The following SGCD variants were observed in gnomAD, a reference collection of about 807,000 sequenced individuals.
SGCD encodes the protein sarcoglycan delta.
In SGCD, 18 loss-of-function variants were observed where a neutral mutation model predicts 36.6. That is an observed-to-expected ratio of 0.49 (90% CI 0.34 to 0.73). The LOEUF (loss-of-function observed/expected upper bound fraction) is 0.73. Ranked by LOEUF, SGCD falls within the 30% of genes least tolerant of loss-of-function variation. The pLI is 0.01. For synonymous variants in SGCD, 133 were observed against 130.6 expected (o/e 1.02, Z -0.12); for missense variants, 387 against 346.7 (o/e 1.12, Z -0.92).
chr5:155,970,540 T>C (rs1196318893), intron 1 of SGCD, among the ~76,000 whole-genome samples: 1 of 152,078 alleles, frequency 6.6e-6, no homozygotes, highest in Non-Finnish European at 1.5e-5. Flanking sequence ...GATAAATAAA[T>C]AATTGCCATT....
At chr5:155,751,429 T>C in the SGCD span, among the ~76,000 whole-genome samples, 2 of 152,188 alleles carry the variant, frequency 1.3e-5, no homozygotes, top group African/African-American at 4.8e-5. Context: ...ACTTTCACTC[T>C]GTTGCCTAGG....
intron 1 of SGCD, among the ~76,000 whole-genome samples, chr5:156,080,395 C>G (rs1476859538): frequency 1.3e-5 from 2 of 152,218 alleles, no homozygotes; most frequent in Non-Finnish European, 2.9e-5. Flanking sequence ...ATTTCTGTGG[C>G]AAGTAAGTCA....
At chr5:156,695,500 GATAGATAGATGGATAGATA>G in intron 7 of SGCD, among the ~76,000 whole-genome samples, 1 of 110,662 alleles carries the variant, frequency 9.0e-6, no homozygotes, top group East Asian at 3.1e-4. Flanking sequence ...TAGATAGATA[GATAGATAGATGGATAGATA>G]GATAGATAGA....
chr5:156,333,366 G>A (rs1003957732), intron 2 of SGCD, among the ~76,000 whole-genome samples: 17 of 152,066 alleles, frequency 1.1e-4, no homozygotes, highest in Admixed American at 1.1e-3. Context: ...TTTCACTCTG[G>A]CTGGAATACA....
At chr5:156,721,965 A>T (rs1344738639) in intron 7 of SGCD, among the ~76,000 whole-genome samples, 1 of 152,242 alleles carries the variant, frequency 6.6e-6, no homozygotes, top group East Asian at 1.9e-4. Flanking sequence ...ATCCCAAAGA[A>T]CCAGAGCAAT....
rs546808859 is a variant in SGCD, at chr5:156,238,645, T to C, written c.-43-90889T>C. On this transcript the variant is annotated intron_variant, in intron 3 of 9. Transcript: ENST00000517913. The stretch of plus-strand genomic sequence containing the variant: ...TTAAATTTGAATAGCCACATGTGGC[T>C]GATAATGACTGTATTGGAAAGCACA... Among the ~76,000 whole-genome samples the C allele has an allele frequency of 3.5e-4, 54 of 152,328 alleles. 1 individual carries two copies. Among genetic ancestry groups the C allele is most frequent in the African/African-American group, 1.0e-3 (42 of 41,588 alleles).
At chr5:156,422,313 A>G (rs746968849) in intron 3 of SGCD, among the ~76,000 whole-genome samples, 1 of 152,072 alleles carries the variant, frequency 6.6e-6, no homozygotes, top group African/African-American at 2.4e-5. Flanking sequence ...GTGACCCAAT[A>G]ACAAAGTCAC....
At chr5:155,965,767 C>T (rs761621868) in intron 1 of SGCD, among the ~76,000 whole-genome samples, 2 of 152,074 alleles carry the variant, frequency 1.3e-5, no homozygotes, top group Non-Finnish European at 2.9e-5. Context: ...CTCCTTTACT[C>T]AATAAATACG....
chr5:155,730,954 T>C, the SGCD span, among the ~76,000 whole-genome samples: 3 of 152,140 alleles, frequency 2.0e-5, no homozygotes, highest in Non-Finnish European at 4.4e-5. Flanking sequence ...TGATTTAGCA[T>C]GGGGCGCATG....
the SGCD span, among the ~76,000 whole-genome samples, chr5:155,812,466 T>C: frequency 1.3e-5 from 2 of 152,084 alleles, no homozygotes; most frequent in Non-Finnish European, 2.9e-5. Flanking sequence ...TCAGGAGCAT[T>C]TCATCTTTTA....
intron 1 of SGCD, among the ~76,000 whole-genome samples, chr5:155,973,140 T>G (rs2127560260): frequency 6.6e-6 from 1 of 152,274 alleles, no homozygotes; most frequent in East Asian, 1.9e-4. Flanking sequence ...TATTTCAGGA[T>G]GGAAATCCAC....
At chr5:156,403,654 C>A (rs548541182) in intron 3 of SGCD, among the ~76,000 whole-genome samples, 1 of 152,196 alleles carries the variant, frequency 6.6e-6, no homozygotes. Context: ...GTCCCTCATG[C>A]CAGTCATATC....
At chr5:156,556,231 A>T (rs1335330983) in intron 4 of SGCD, among the ~76,000 whole-genome samples, 1 of 151,898 alleles carries the variant, frequency 6.6e-6, no homozygotes, top group Non-Finnish European at 1.5e-5. Context: ...TGTGTTCCCT[A>T]TTAGAGCAGA....
chr5:156,269,365 G>A (rs1322444037), intron 3 of SGCD, among the ~76,000 whole-genome samples: 1 of 150,826 alleles, frequency 6.6e-6, no homozygotes, highest in Admixed American at 6.6e-5. Context: ...AGCTACTCAG[G>A]AGGCTGAAGC....
At chr5:156,152,544 A>G (rs779214591) in intron 3 of SGCD, among the ~76,000 whole-genome samples, 1 of 151,728 alleles carries the variant, frequency 6.6e-6, no homozygotes, top group Non-Finnish European at 1.5e-5. Flanking sequence ...TATAAAAAAT[A>G]TAGGATATCT....
chr5:156,308,491 G>A (rs1250244746), intron 3 of SGCD, among the ~76,000 whole-genome samples: 3 of 152,060 alleles, frequency 2.0e-5, no homozygotes, highest in Non-Finnish European at 4.4e-5. Context: ...GTAGAGATGG[G>A]GTTTCACCGT....
intron 1 of SGCD, among the ~76,000 whole-genome samples, chr5:155,874,485 G>A (rs1217363566): frequency 2.0e-5 from 3 of 152,124 alleles, no homozygotes; most frequent in African/African-American, 7.2e-5. Flanking sequence ...GTGCACAGAA[G>A]AGGAGAAAAC....
At chr5:156,218,962 TACTC>T (rs1038264167) in intron 3 of SGCD, among the ~76,000 whole-genome samples, 1 of 152,232 alleles carries the variant, frequency 6.6e-6, no homozygotes, top group African/African-American at 2.4e-5. Flanking sequence ...GTCATTTTTT[TACTC>T]ACTCGCTGTC....
At chr5:155,774,942 T>C in the SGCD span, among the ~76,000 whole-genome samples, 3 of 152,188 alleles carry the variant, frequency 2.0e-5, no homozygotes, top group African/African-American at 4.8e-5. Context: ...TCAATCACAT[T>C]GATGCTGCAC....
Sources: allele counts gnomAD v4.1 joint callset (sites outside exome capture counted in the v4.1 genomes callset), GRCh38; gene constraint gnomAD v4.1.1; transcripts MANE v1.5; gene names NCBI Gene and HGNC (gene_info 2026-07-23, HGNC 2026-07-21).